ZNF462: variants seen among roughly 807,000 people sequenced by gnomAD.
The protein encoded by ZNF462 is zinc finger protein 462, also known as zinc finger PBX1-interacting protein.
In ZNF462, 10 loss-of-function variants were observed where a neutral mutation model predicts 201.9. The observed-to-expected ratio is 0.05, with a 90% CI of 0.03 to 0.08. The LOEUF (loss-of-function observed/expected upper bound fraction) is 0.08, where lower values mean the gene tolerates loss of function less well. ZNF462 is among the 10% of genes least tolerant of loss of function. The pLI is 1.00. For missense variants in ZNF462, 2,523 were observed against 3,168.3 expected (o/e 0.80, Z 4.89); for synonymous variants, 1,227 against 1,193.3 (o/e 1.03, Z -0.58).
intron 7 of ZNF462, among the ~76,000 whole-genome samples, chr9:106,965,377 T>C (rs1588126791): frequency 2.0e-5 from 3 of 152,100 alleles, no homozygotes; most frequent in African/African-American, 7.2e-5. Flanking sequence ...GTATGCTGGC[T>C]GAACTGGAAT....
intron 6 of ZNF462, among the ~76,000 whole-genome samples, chr9:106,937,640 A>G (rs1020800400): frequency 6.6e-6 from 1 of 152,142 alleles, no homozygotes; most frequent in East Asian, 1.9e-4. Flanking sequence ...AACATTTCAT[A>G]TATTTCCTTT....
intron 7 of ZNF462, among the ~76,000 whole-genome samples, chr9:106,961,124 A>G (rs767100312): frequency 1.1e-4 from 16 of 152,132 alleles, no homozygotes; most frequent in Non-Finnish European, 1.6e-4. Context: ...ATTTAAATAC[A>G]TGGTACCCAT....
intron 1 of ZNF462, among the ~76,000 whole-genome samples, chr9:106,903,012 G>A (rs1829127875): frequency 6.6e-6 from 1 of 151,996 alleles, no homozygotes; most frequent in African/African-American, 2.4e-5. Context: ...TCCTTGAGGT[G>A]TGACCTTAGA....
chr9:106,891,929 T>A (rs1828595858), intron 1 of ZNF462, among the ~76,000 whole-genome samples: 1 of 152,220 alleles, frequency 6.6e-6, no homozygotes, highest in Admixed American at 6.5e-5. Context: ...GAGAGAGAAA[T>A]CTCAGAAGAA....
At chr9:106,980,570 C>T (rs1191668249) in intron 9 of ZNF462, among the ~76,000 whole-genome samples, 1 of 152,166 alleles carries the variant, frequency 6.6e-6, no homozygotes, top group Non-Finnish European at 1.5e-5. Context: ...TTCCACTGAC[C>T]TCCATGGAGG....
chr9:106,959,315 A>G (rs903723002), intron 7 of ZNF462, among the ~76,000 whole-genome samples: 1 of 152,064 alleles, frequency 6.6e-6, no homozygotes, highest in Non-Finnish European at 1.5e-5. Context: ...AATACTACAT[A>G]TTTTACAGCT....
At chr9:106,957,195 A>T (rs1468492042) in intron 7 of ZNF462, among the ~76,000 whole-genome samples, 1 of 152,100 alleles carries the variant, frequency 6.6e-6, no homozygotes, top group Admixed American at 6.6e-5. Flanking sequence ...GAACACTTAG[A>T]GGCCATTCTA....
rs185101605 is a variant in ZNF462, at chr9:106,962,392, A to G, written c.6428-9613A>G. Reference sequence around the variant, plus strand: ...TGTCATTGACAAAAAATATAGAAAGACAAATGAATATGTTCCCAAGTATAC... The same window carrying G: ...TGTCATTGACAAAAAATATAGAAAGGCAAATGAATATGTTCCCAAGTATAC... On this transcript the variant is annotated intron_variant, in intron 7 of 12. Coordinates refer to ENST00000277225, the MANE Select transcript of ZNF462 (RefSeq NM_021224.6). This position sits in a 1 kb window ranked among gnomAD's most constrained non-coding sequence, Gnocchi z 4.6. Among the ~76,000 whole-genome samples, 2 of 152,186 alleles carry G rather than the reference A, an allele frequency of 1.3e-5. No individual in the cohort carries two copies. The highest frequency in any genetic ancestry group is 2.4e-5 in the African/African-American group (1 of 41,542).
Position 106,870,695 on chromosome 9 carries a change from C to T in ZNF462, c.-31+7340C>T, listed in dbSNP as rs1038371463. 1.3e-5 allele frequency among the ~76,000 whole-genome samples: 2 copies of T among 152,084 alleles called. No homozygotes were observed. Among genetic ancestry groups the T allele is most frequent in the Non-Finnish European group, 2.9e-5 (2 of 68,016 alleles). On this transcript the variant is annotated intron_variant, in intron 1 of 12. Transcript: ENST00000277225. The surrounding 1 kb of genome is among the most constrained non-coding windows in gnomAD (Gnocchi z 4.3). Reference sequence around the variant, plus strand: ...TAAGCATTTGCCCAAGATGAGGAAGCGAAGTCTTACCTTTGGGTTCAGCTT... The same window carrying T: ...TAAGCATTTGCCCAAGATGAGGAAGTGAAGTCTTACCTTTGGGTTCAGCTT...
At chr9:106,997,926 G>A (rs1224293701) in intron 10 of ZNF462, among the ~76,000 whole-genome samples, 2 of 151,898 alleles carry the variant, frequency 1.3e-5, no homozygotes, top group African/African-American at 2.4e-5. Flanking sequence ...CCTAAATAAA[G>A]CTTTATTGGA....
chr9:106,916,042 G>T (rs1829758631), intron 1 of ZNF462, among the ~76,000 whole-genome samples: 1 of 152,190 alleles, frequency 6.6e-6, no homozygotes, highest in African/African-American at 2.4e-5. Flanking sequence ...AAGTCTCAGG[G>T]AGATTAGATT....
chr9:106,983,712 GAT>G (rs1467608284), intron 9 of ZNF462, among the ~76,000 whole-genome samples: 1 of 152,180 alleles, frequency 6.6e-6, no homozygotes, highest in Non-Finnish European at 1.5e-5. Flanking sequence ...TAAAGTTGCT[GAT>G]AGAAAGGTAC....
chr9:106,927,458 G>C lies in ZNF462; in HGVS notation c.3546G>C (p.Glu1182Asp). 6.2e-7 allele frequency: 1 copy of C among 1,613,858 alleles called. No homozygotes were observed. The highest frequency in any genetic ancestry group is 8.5e-7 in the Non-Finnish European group (1 of 1,179,994). Reference protein sequence around the residue: ...PIQQLNRSSSERDGPPVENEM... With the variant: ...PIQQLNRSSSDRDGPPVENEM... ...AACAGCTGAACCGAAGCAGCTCTGA[G>C]AGAGATGGCCCTCCTGTGGAGAATG... The change falls in exon 3 of 13, where the codon GAG (glutamate) becomes GAC (aspartate). Residue 1182 changes from glutamate (E) to aspartate (D), a missense_variant. Coordinates refer to ENST00000277225, the MANE Select transcript of ZNF462 (RefSeq NM_021224.6).
In ZNF462 at chr9:106,924,380, G is replaced by A; in HGVS notation, c.468G>A (p.Glu156=). The change falls in exon 3 of 13, where the codon GAG becomes GAA. Residue 156 remains glutamate, a synonymous_variant. Transcript: ENST00000277225. The surrounding 1 kb of genome is among the most constrained non-coding windows in gnomAD (Gnocchi z 6.2). ...TAAATTATAATATCATGATGCACGA[G>A]GGATTTGGAAAGGTCTTCTCTTGCC... ...GSLNYNIMMH[E]GFGKVFSCQF... 1 of 1,614,144 alleles carries A rather than the reference G, an allele frequency of 6.2e-7. No homozygotes were observed. Among genetic ancestry groups the A allele is most frequent in the African/African-American group, 1.3e-5 (1 of 75,032 alleles).
chr9:106,951,708 C>T (rs995624800), intron 7 of ZNF462, among the ~76,000 whole-genome samples: 3 of 152,106 alleles, frequency 2.0e-5, no homozygotes, highest in Admixed American at 6.6e-5. Context: ...AGCAACGGAT[C>T]TGCAACATTT....
At chr9:106,868,835 C>T (rs781554021) in intron 1 of ZNF462, among the ~76,000 whole-genome samples, 1 of 152,196 alleles carries the variant, frequency 6.6e-6, no homozygotes, top group Admixed American at 6.5e-5. Context: ...GGGCCCACAG[C>T]TTTCTGAGAA....
At chr9:106,988,737 T>A (rs956295784) in intron 10 of ZNF462, among the ~76,000 whole-genome samples, 1 of 152,178 alleles carries the variant, frequency 6.6e-6, no homozygotes, top group African/African-American at 2.4e-5. Context: ...GTAGTTTTCC[T>A]TGTAGAGGTC....
chr9:106,972,731 A>G lies in ZNF462; in HGVS notation c.6695+459A>G, dbSNP rs1036022160. On this transcript the variant is annotated intron_variant, in intron 8 of 12. Coordinates refer to ENST00000277225, the MANE Select transcript of ZNF462 (RefSeq NM_021224.6). The surrounding 1 kb of genome is among the most constrained non-coding windows in gnomAD (Gnocchi z 4.8). Reference sequence around the variant, plus strand: ...TTAAGATCGTAGTATTGAAAGACACATAGAGAATCAAGACCCTGGCACTTC... The same window carrying G: ...TTAAGATCGTAGTATTGAAAGACACGTAGAGAATCAAGACCCTGGCACTTC... Among the ~76,000 whole-genome samples, 1 of 152,218 alleles carries G rather than the reference A, an allele frequency of 6.6e-6. No homozygotes were observed. Among genetic ancestry groups the G allele is most frequent in the African/African-American group, 2.4e-5 (1 of 41,454 alleles).
rs1238728223 is a variant in ZNF462 at position 106,863,218 on chromosome 9, A to G, written c.-168A>G. ...AAGATGGCGATCCTCCATTGCTGAG[A>G]CCCGGCAGAAGCACATGAGACTCCC... On this transcript the variant is annotated 5_prime_UTR_variant, in exon 1 of 13. Transcript: ENST00000277225. 2 of 399,328 alleles carry G rather than the reference A, an allele frequency of 5.0e-6. No homozygotes were observed. Among genetic ancestry groups the G allele is most frequent in the Non-Finnish European group, 8.8e-6 (2 of 226,346 alleles). 24.7% of individuals were successfully genotyped at this position (399,328 alleles called of 1,614,324 possible).
Sources: allele counts gnomAD v4.1 joint callset (sites outside exome capture counted in the v4.1 genomes callset), GRCh38; gene constraint gnomAD v4.1.1; non-coding constraint Gnocchi (gnomAD v3.1); transcripts MANE v1.5; gene names NCBI Gene and HGNC (gene_info 2026-07-23, HGNC 2026-07-21).